CRPPA: variants seen among roughly 807,000 people sequenced by gnomAD.
CRPPA encodes the protein D-ribitol-5-phosphate cytidylyltransferase.
In CRPPA, 43 loss-of-function variants were observed where a neutral mutation model predicts 52.0. The ratio of observed to expected loss-of-function variants is 0.83; its 90% CI spans 0.65 to 1.07. The LOEUF is 1.07. Among genes scored for constraint, CRPPA ranks in the 50% least tolerant of loss-of-function variants. The pLI, the probability that CRPPA is intolerant of heterozygous loss-of-function variation, is 0.00. For synonymous variants in CRPPA, 250 were observed against 203.5 expected, an observed-to-expected ratio of 1.23 and a Z score of -1.94; for missense variants, 629 against 551.7, an observed-to-expected ratio of 1.14 and a Z score of -1.40.
At chr7:16,114,295 T>TACAC (rs140597697) in intron 9 of CRPPA, among the ~76,000 whole-genome samples, 6,463 of 147,080 alleles carry the variant, frequency 0.044, 186 homozygotes, top group African/African-American at 0.083. Context: ...CACGCACACA[T>TACAC]ACACACACAC....
At chr7:16,166,573 C>A (rs1007496323) in intron 9 of CRPPA, among the ~76,000 whole-genome samples, 6 of 152,306 alleles carry the variant, frequency 3.9e-5, no homozygotes, top group Admixed American at 6.5e-5. Flanking sequence ...AGTCACCACA[C>A]CTGGCCAGCC....
At chr7:16,136,693 T>C (rs1782768327) in intron 9 of CRPPA, among the ~76,000 whole-genome samples, 1 of 152,216 alleles carries the variant, frequency 6.6e-6, no homozygotes, top group Admixed American at 6.5e-5. Context: ...AGTATGTGGA[T>C]ATAAGATCTT....
chr7:16,221,843 T>C (rs1451466926), intron 8 of CRPPA, among the ~76,000 whole-genome samples: 2 of 149,984 alleles, frequency 1.3e-5, no homozygotes, highest in African/African-American at 2.4e-5. Flanking sequence ...TTTACACTGT[T>C]GGTGGGACTG....
chr7:16,121,594 G>A (rs1782481910), intron 9 of CRPPA, among the ~76,000 whole-genome samples: 1 of 151,762 alleles, frequency 6.6e-6, no homozygotes, highest in South Asian at 2.1e-4. Flanking sequence ...TATTGATGGA[G>A]GAATAAAAAA....
At chr7:16,157,232 C>T (rs926961858) in intron 9 of CRPPA, among the ~76,000 whole-genome samples, 27 of 148,200 alleles carry the variant, frequency 1.8e-4, no homozygotes, top group Non-Finnish European at 3.4e-4. Flanking sequence ...AATTCATAAG[C>T]TTATTGCTAT....
At chr7:16,270,096 T>C (rs1260139607) in intron 6 of CRPPA, 1 of 152,120 alleles carries the variant, frequency 6.6e-6, no homozygotes, top group African/African-American at 2.4e-5. Flanking sequence ...ATGTGTAAAA[T>C]CAAAAAATTT....
At chr7:16,235,753 G>A (rs1400000937) in intron 8 of CRPPA, 1 of 152,092 alleles carries the variant, frequency 6.6e-6, no homozygotes, top group Non-Finnish European at 1.5e-5. Flanking sequence ...TGATTTTCAA[G>A]ATCCTTTTCC....
At chr7:16,099,423 G>T (rs1316476406) in intron 9 of CRPPA, among the ~76,000 whole-genome samples, 2 of 128,008 alleles carry the variant, frequency 1.6e-5, no homozygotes, top group South Asian at 3.1e-4. Context: ...GGGAGGGGAG[G>T]GAAGGGGAGG....
chr7:16,180,715 G>C (rs1247636588), intron 9 of CRPPA, among the ~76,000 whole-genome samples: 1 of 151,926 alleles, frequency 6.6e-6, no homozygotes, highest in Non-Finnish European at 1.5e-5. Flanking sequence ...AAGAAAAACA[G>C]AAAGCCATAA....
chr7:16,397,190 G>A (rs953808530), intron 2 of CRPPA, among the ~76,000 whole-genome samples: 1 of 152,242 alleles, frequency 6.6e-6, no homozygotes, highest in Non-Finnish European at 1.5e-5. Context: ...TTATCAAAAC[G>A]TGATGGACGT....
At chr7:16,286,502 C>T (rs1405272825) in intron 5 of CRPPA, among the ~76,000 whole-genome samples, 1 of 152,102 alleles carries the variant, frequency 6.6e-6, no homozygotes, top group African/African-American at 2.4e-5. Flanking sequence ...AGGTTCTCAT[C>T]ATAGGATTCC....
intron 9 of CRPPA, among the ~76,000 whole-genome samples, chr7:16,096,421 G>A (rs1781935744): frequency 6.6e-6 from 1 of 151,932 alleles, no homozygotes; most frequent in Non-Finnish European, 1.5e-5. Flanking sequence ...AAATGTTGAT[G>A]AAAAATGGAA....
chr7:16,307,320 T>C (rs141154376), intron 4 of CRPPA, among the ~76,000 whole-genome samples: 1,662 of 152,260 alleles, frequency 0.011, 26 homozygotes, highest in Middle Eastern at 0.041. Flanking sequence ...AAACCATCCC[T>C]GGCCTTGATA....
At chr7:16,346,846 G>C (rs1301777388) in intron 3 of CRPPA, among the ~76,000 whole-genome samples, 1 of 151,848 alleles carries the variant, frequency 6.6e-6, no homozygotes, top group Admixed American at 6.6e-5. Context: ...CACCAACGTA[G>C]CTACCTCCCT....
At chr7:16,385,087 T>C (rs1787221751) in intron 2 of CRPPA, among the ~76,000 whole-genome samples, 1 of 151,970 alleles carries the variant, frequency 6.6e-6, no homozygotes, top group Admixed American at 6.6e-5. Flanking sequence ...TCAATGAACT[T>C]ACACTTAGAT....
chr7:16,258,314 GT>G (rs1783698814), intron 8 of CRPPA, 75 bp downstream of exon 8: 3 of 932,614 alleles, frequency 3.2e-6, no homozygotes, highest in Non-Finnish European at 4.9e-6. Flanking sequence ...AATTGGATGA[GT>G]TTTTAAAAAT....
At chr7:16,149,439 T>C (rs919016951) in intron 9 of CRPPA, among the ~76,000 whole-genome samples, 8 of 152,164 alleles carry the variant, frequency 5.3e-5, no homozygotes, top group Admixed American at 5.2e-4. Flanking sequence ...ACAGGAAACA[T>C]GCATATGTCC....
chr7:16,218,682 A>C (rs1782406017), intron 8 of CRPPA, among the ~76,000 whole-genome samples: 1 of 105,190 alleles, frequency 9.5e-6, no homozygotes, highest in South Asian at 4.0e-4. Context: ...ACAAAGATCA[A>C]AAGAGACAAA....
chr7:16,174,644 A>T (rs547635741), intron 9 of CRPPA, among the ~76,000 whole-genome samples: 1 of 149,874 alleles, frequency 6.7e-6, no homozygotes, highest in East Asian at 2.0e-4. Flanking sequence ...CCCAGTTCTA[A>T]TTTTTTTTTT....
Sources: gnomAD v4.1 joint callset for allele counts (sites outside exome capture counted in the v4.1 genomes callset) on GRCh38, gnomAD v4.1.1 for gene constraint, MANE v1.5 for transcripts, NCBI Gene and HGNC (gene_info 2026-07-23, HGNC 2026-07-21) for gene names.